The following WDPCP variants were observed in gnomAD, a reference collection of about 807,000 sequenced individuals.
WDPCP encodes WD repeat-containing and planar cell polarity effector protein fritz homolog.
WDPCP carries 71 observed loss-of-function variants against 93.1 expected under a neutral mutation model. The observed-to-expected ratio is 0.76, with a 90% CI of 0.63 to 0.93. The LOEUF is 0.93. WDPCP is among the 40% of genes least tolerant of loss of function. The pLI, the probability that WDPCP is intolerant of heterozygous loss-of-function variation, is 0.00. For missense variants in WDPCP, 844 were observed against 887.4 expected, an observed-to-expected ratio of 0.95 and a Z score of 0.62; for synonymous variants, 315 against 315.0, an observed-to-expected ratio of 1.00 and a Z score of 0.00.
chr2:63,594,484 A>G, intron 3 of WDPCP: 1 of 1,607,890 alleles, frequency 6.2e-7, no homozygotes, highest in Non-Finnish European at 8.5e-7. Flanking sequence ...CTTTTTCATT[A>G]CAGTCTGAAC....
intron 14 of WDPCP, among the ~76,000 whole-genome samples, chr2:63,220,305 T>A (rs982233078): frequency 6.6e-6 from 1 of 152,094 alleles, no homozygotes; most frequent in African/African-American, 2.4e-5. Context: ...GAGAACTTAA[T>A]GAGAGAAGTA....
intron 13 of WDPCP, among the ~76,000 whole-genome samples, chr2:63,301,568 G>A (rs927152788): frequency 6.6e-6 from 1 of 152,122 alleles, no homozygotes; most frequent in Non-Finnish European, 1.5e-5. Context: ...GAAGTCAAAG[G>A]GAAATCACAG....
intron 2 of WDPCP, among the ~76,000 whole-genome samples, chr2:63,764,998 C>G (rs772035498): frequency 2.6e-4 from 40 of 152,162 alleles, no homozygotes; most frequent in Non-Finnish European, 5.0e-4. Context: ...CTTTTCCACT[C>G]AACAAAGATG....
chr2:63,820,809 T>G (rs1671007390), intron 1 of WDPCP, among the ~76,000 whole-genome samples: 1 of 152,010 alleles, frequency 6.6e-6, no homozygotes. Context: ...TCTGAGGCAT[T>G]TACCTAGGTT....
chr2:63,475,967 C>T (rs1699949793), intron 6 of WDPCP, among the ~76,000 whole-genome samples: 1 of 152,102 alleles, frequency 6.6e-6, no homozygotes, highest in African/African-American at 2.4e-5. Flanking sequence ...CACTGCGGTT[C>T]CATACTTCCA....
chr2:63,797,274 C>T (rs1039419631), intron 2 of WDPCP, among the ~76,000 whole-genome samples: 3 of 151,702 alleles, frequency 2.0e-5, no homozygotes, highest in East Asian at 3.9e-4. Context: ...GCAGTTCCTA[C>T]GAGGAGGACT....
intron 1 of WDPCP, among the ~76,000 whole-genome samples, chr2:63,553,272 C>A (rs1235602984): frequency 1.3e-5 from 2 of 152,098 alleles, no homozygotes; most frequent in Non-Finnish European, 2.9e-5. Context: ...ACAACATTTT[C>A]TTTTATTCTC....
chr2:63,805,468 T>A (rs1016111945), intron 2 of WDPCP, among the ~76,000 whole-genome samples: 8 of 152,172 alleles, frequency 5.3e-5, no homozygotes, highest in African/African-American at 1.9e-4. Flanking sequence ...GAACAGAAAT[T>A]GAAACTGACT....
intron 1 of WDPCP, among the ~76,000 whole-genome samples, chr2:63,530,833 T>TG (rs1488003110): frequency 1.3e-5 from 2 of 152,140 alleles, no homozygotes; most frequent in Non-Finnish European, 2.9e-5. Context: ...TTCATCTCAC[T>TG]GGGACTTATT....
At chr2:63,426,279 T>G (rs1024069067) in intron 9 of WDPCP, among the ~76,000 whole-genome samples, 1 of 151,932 alleles carries the variant, frequency 6.6e-6, no homozygotes, top group Non-Finnish European at 1.5e-5. Context: ...TAAGCGGAGG[T>G]TGCAGTGAGC....
At chr2:63,192,062 C>A (rs982156337) in intron 14 of WDPCP, among the ~76,000 whole-genome samples, 3 of 152,148 alleles carry the variant, frequency 2.0e-5, no homozygotes, top group Non-Finnish European at 4.4e-5. Context: ...TCTCCTTACC[C>A]CCCTTTAAAT....
intron 1 of WDPCP, among the ~76,000 whole-genome samples, chr2:63,825,836 A>G (rs1339844590): frequency 6.6e-6 from 1 of 152,100 alleles, no homozygotes; most frequent in Non-Finnish European, 1.5e-5. Flanking sequence ...AACTAACTCC[A>G]AAGAAGACAA....
intron 9 of WDPCP, among the ~76,000 whole-genome samples, chr2:63,411,182 ACT>A (rs1345071296): frequency 1.3e-5 from 2 of 152,104 alleles, no homozygotes; most frequent in Non-Finnish European, 2.9e-5. Flanking sequence ...AATATCAAAC[ACT>A]CTCTTAGACC....
In WDPCP at chr2:63,174,684, A is replaced by G; in HGVS notation, c.2064T>C (p.Asn688=). Residue 688 remains asparagine (N), a synonymous_variant, in exon 15 of 18, where the codon AAT becomes AAC. Transcript: ENST00000272321. ...ACATTTCTTACCTGTTAGAAGAGCC[A>G]TTCAGTATTCTTTGTTGTAAAATAT... ...HRHILQQRIL[N]GSSNRQIIDR... The G allele has an allele frequency of 1.9e-6, 3 of 1,613,962 alleles. No homozygotes were observed. In the South Asian group the frequency reaches 3.3e-5, roughly 18 times the overall value.
At chr2:63,828,629 C>T (rs1050230593), upstream of WDPCP, among the ~76,000 whole-genome samples, 6 of 151,992 alleles carry the variant, frequency 3.9e-5, no homozygotes, top group Non-Finnish European at 7.4e-5. Context: ...TGCAGATGGC[C>T]CAAATATTTT....
chr2:63,419,137 CTTTTGT>C (rs372211457), intron 9 of WDPCP, among the ~76,000 whole-genome samples: 3 of 151,942 alleles, frequency 2.0e-5, no homozygotes, highest in Admixed American at 6.6e-5. Context: ...TTCAGTGTAT[CTTTTGT>C]TTTTGTTTTT....
At chr2:63,454,603 T>G (rs1272998746) in intron 6 of WDPCP, among the ~76,000 whole-genome samples, 1 of 152,178 alleles carries the variant, frequency 6.6e-6, no homozygotes, top group East Asian at 1.9e-4. Flanking sequence ...GTTATCAGTA[T>G]TCCTGAAGGT....
At chr2:63,296,448 C>T (rs1178209064) in intron 13 of WDPCP, among the ~76,000 whole-genome samples, 1 of 152,098 alleles carries the variant, frequency 6.6e-6, no homozygotes, top group African/African-American at 2.4e-5. Flanking sequence ...CTAGCTGCAG[C>T]AATCAGGCAA....
intron 3 of WDPCP, among the ~76,000 whole-genome samples, chr2:63,646,195 T>A (rs1416978640): frequency 6.6e-6 from 1 of 152,144 alleles, no homozygotes; most frequent in Non-Finnish European, 1.5e-5. Flanking sequence ...GAGGTTACCA[T>A]GAAGTTTGCA....
Sources: allele counts gnomAD v4.1 joint callset (sites outside exome capture counted in the v4.1 genomes callset), GRCh38; gene constraint gnomAD v4.1.1; transcripts MANE v1.5; gene names NCBI Gene and HGNC (gene_info 2026-07-23, HGNC 2026-07-21).